Variants in EPHA5 observed in about 807,000 individuals in gnomAD.
EPHA5 encodes the protein EPH receptor A5.
A neutral mutation model predicts 105.0 loss-of-function variants in EPHA5; 60 were observed. The observed-to-expected ratio is 0.57, with a 90% CI of 0.46 to 0.71. EPHA5 has a LOEUF of 0.71. Ranked by LOEUF, EPHA5 falls within the 30% of genes least tolerant of loss-of-function variation. EPHA5 has a pLI of 0.00. For synonymous variants in EPHA5, 513 were observed against 449.1 expected (o/e 1.14, Z -1.80); for missense variants, 1,218 against 1,274.7 (o/e 0.96, Z 0.68).
At chr4:65,347,073 T>C (rs897069023) in intron 14 of EPHA5, among the ~76,000 whole-genome samples, 5 of 152,178 alleles carry the variant, frequency 3.3e-5, no homozygotes, top group African/African-American at 1.2e-4. Context: ...ACAGGCATTG[T>C]TGTTTCAACA....
intron 9 of EPHA5, 107 bp downstream of exon 9, chr4:65,367,250 A>G: frequency 3.3e-6 from 3 of 905,966 alleles, no homozygotes; most frequent in South Asian, 1.8e-5. Context: ...AAAAAAAAAA[A>G]CAATATTTTG....
chr4:65,596,525 C>T (rs1400163564), intron 3 of EPHA5, among the ~76,000 whole-genome samples: 1 of 151,954 alleles, frequency 6.6e-6, no homozygotes, highest in Non-Finnish European at 1.5e-5. Flanking sequence ...ACGCAGAGTA[C>T]TCTCAAAAAT....
chr4:65,581,611 T>C (rs1000058053), intron 3 of EPHA5, among the ~76,000 whole-genome samples: 2 of 151,788 alleles, frequency 1.3e-5, no homozygotes, highest in Non-Finnish European at 3.0e-5. Context: ...CTAAAGGTAA[T>C]GAATCTTAAA....
intron 2 of EPHA5, among the ~76,000 whole-genome samples, chr4:65,608,720 G>A (rs1336733401): frequency 2.6e-5 from 4 of 152,070 alleles, no homozygotes; most frequent in Admixed American, 6.5e-5. Flanking sequence ...ATCAATTTTA[G>A]ATCAATTTTC....
chr4:65,667,148 T>C (rs1458879061), intron 1 of EPHA5, among the ~76,000 whole-genome samples: 1 of 152,136 alleles, frequency 6.6e-6, no homozygotes, highest in Non-Finnish European at 1.5e-5. Context: ...ATTGGAAAAC[T>C]CTAATCTGAA....
chr4:65,382,528 G>T (rs971173495), intron 8 of EPHA5, among the ~76,000 whole-genome samples: 2 of 151,664 alleles, frequency 1.3e-5, no homozygotes, highest in African/African-American at 4.8e-5. Context: ...ACTTTTTGCT[G>T]CGGTAGAAGA....
rs994598273 is a variant in EPHA5 at position 65,480,791 on chromosome 4, C to T, written c.1402+9586G>A. 3.3e-5 allele frequency among the ~76,000 whole-genome samples: 5 copies of T among 152,224 alleles called. No individual in the cohort carries two copies. In the South Asian group the frequency reaches 1.0e-3, roughly 32 times the overall value. ...CTATTCTCAATGAGTCTATGAGCCA[C>T]TTCATATCCTTTATTAATGCTCTTT... On this transcript the variant is annotated intron_variant, in intron 5 of 16. Coordinates refer to ENST00000613740, the MANE Select transcript of EPHA5 (RefSeq NM_001281766.3).
intron 1 of EPHA5, among the ~76,000 whole-genome samples, chr4:65,660,623 T>C (rs546395800): frequency 1.3e-5 from 2 of 152,264 alleles, no homozygotes; most frequent in South Asian, 4.1e-4. Context: ...TGGATGTACC[T>C]TTACATCTTC....
rs1232835628 is a variant in EPHA5, at chr4:65,496,390, C to G, written c.911-847G>C. 1.5e-5 allele frequency among the ~76,000 whole-genome samples: 2 copies of G among 132,538 alleles called. 1 individual carries two copies. Among genetic ancestry groups the G allele is most frequent in the South Asian group, 5.5e-4 (2 of 3,628 alleles). 87.0% of individuals were successfully genotyped at this position (132,538 alleles called of 152,430 possible). On this transcript the variant is annotated intron_variant, in intron 3 of 16. Coordinates refer to ENST00000613740, the MANE Select transcript of EPHA5 (RefSeq NM_001281766.3). Reference sequence around the variant, plus strand: ...GCTATCCCTCCCCCCTCCCCCCACCCCACCACAGGCCCCAGAGTGTGATAT... The same window carrying G: ...GCTATCCCTCCCCCCTCCCCCCACCGCACCACAGGCCCCAGAGTGTGATAT...
intron 5 of EPHA5, among the ~76,000 whole-genome samples, chr4:65,477,683 G>T (rs1331546405): frequency 6.6e-6 from 1 of 152,124 alleles, no homozygotes; most frequent in East Asian, 1.9e-4. Context: ...AAAGTGCTGA[G>T]ATTATAGGAG....
intron 3 of EPHA5, among the ~76,000 whole-genome samples, chr4:65,516,312 G>A (rs530062917): frequency 1.3e-5 from 2 of 152,204 alleles, no homozygotes; most frequent in Admixed American, 1.3e-4. Context: ...CTAGATAAAT[G>A]AAAATGTTAT....
At chr4:65,414,170 G>A (rs1723171381) in intron 7 of EPHA5, 114 bp downstream of exon 7, 1 of 888,152 alleles carries the variant, frequency 1.1e-6, no homozygotes, top group South Asian at 1.6e-5. Flanking sequence ...TCATGCCTGG[G>A]AGAGAGAGAG....
At chr4:65,483,635 C>CA (rs903391295) in intron 5 of EPHA5, among the ~76,000 whole-genome samples, 2 of 151,712 alleles carry the variant, frequency 1.3e-5, no homozygotes, top group Admixed American at 6.6e-5. Flanking sequence ...AGACTATCAC[C>CA]AAAAAAAATT....
intron 5 of EPHA5, among the ~76,000 whole-genome samples, chr4:65,427,957 T>C (rs1460481658): frequency 6.6e-6 from 1 of 152,162 alleles, no homozygotes; most frequent in African/African-American, 2.4e-5. Flanking sequence ...ACTACATATA[T>C]ATTTTTAAAT....
chr4:65,379,257 T>C lies in EPHA5; in HGVS notation c.1794-11833A>G, dbSNP rs576057132. On this transcript the variant is annotated intron_variant, in intron 8 of 16. Coordinates refer to ENST00000613740, the MANE Select transcript of EPHA5 (RefSeq NM_001281766.3). The stretch of plus-strand genomic sequence containing the variant: ...TTAATTAAAAAATAAGCTTTGTGTC[T>C]TATGAATAAGTATGCACATACACAC... Among the ~76,000 whole-genome samples, 240 of 137,104 alleles carry C rather than the reference T, an allele frequency of 1.8e-3. 1 individual carries two copies. Among genetic ancestry groups the C allele is most frequent in the African/African-American group, 5.8e-3 (223 of 38,214 alleles). 89.9% of individuals were successfully genotyped at this position (137,104 alleles called of 152,430 possible).
At chr4:65,506,400 T>C (rs998101863) in intron 3 of EPHA5, among the ~76,000 whole-genome samples, 5 of 145,952 alleles carry the variant, frequency 3.4e-5, no homozygotes, top group Non-Finnish European at 7.6e-5. Flanking sequence ...GTATTTCTAG[T>C]TCTAGATCCC....
At chr4:65,615,413 A>G (rs1395287108) in intron 2 of EPHA5, among the ~76,000 whole-genome samples, 1 of 151,914 alleles carries the variant, frequency 6.6e-6, no homozygotes, top group Non-Finnish European at 1.5e-5. Flanking sequence ...AAATCAACTC[A>G]GTAGAGAGGA....
chr4:65,663,205 G>T (rs2149553874), intron 1 of EPHA5, among the ~76,000 whole-genome samples: 1 of 152,180 alleles, frequency 6.6e-6, no homozygotes, highest in East Asian at 1.9e-4. Context: ...GCAAAACATA[G>T]ACACTTTTTT....
intron 8 of EPHA5, among the ~76,000 whole-genome samples, chr4:65,371,858 T>A (rs1031115245): frequency 6.6e-6 from 1 of 151,922 alleles, no homozygotes; most frequent in Non-Finnish European, 1.5e-5. Context: ...GGGGAAGAAG[T>A]GGTTTTGCAC....
Sources: allele counts gnomAD v4.1 joint callset (sites outside exome capture counted in the v4.1 genomes callset), GRCh38; gene constraint gnomAD v4.1.1; transcripts MANE v1.5; gene names NCBI Gene and HGNC (gene_info 2026-07-23, HGNC 2026-07-21).